RREB1: variants seen among roughly 807,000 people sequenced by gnomAD.
RREB1 encodes the protein ras responsive element binding protein 1.
A neutral mutation model predicts 117.8 loss-of-function variants in RREB1; 27 were observed. The observed-to-expected ratio is 0.23, with a 90% CI of 0.17 to 0.32. The LOEUF (loss-of-function observed/expected upper bound fraction) is 0.32, where lower values mean the gene tolerates loss of function less well. Among genes scored for constraint, RREB1 ranks in the 10% least tolerant of loss-of-function variants. The pLI is 1.00. For synonymous variants in RREB1, 1,298 were observed against 1,026.7 expected (o/e 1.26, Z -5.05); for missense variants, 2,577 against 2,378.2 (o/e 1.08, Z -1.74).
rs1357652850 is a variant in RREB1 at position 7,240,620 on chromosome 6, AC to A, written c.3973+19del. 1 of 1,602,482 alleles carries A rather than the reference AC, an allele frequency of 6.2e-7. No individual in the cohort carries two copies. The highest frequency in any genetic ancestry group is 1.1e-5 in the South Asian group (1 of 89,712). ...TAGCACAGGTAGTGCCGCCAGGTGAACAAGAACCCAGGAAGAGGGAGAGAGA... is the reference window on the plus strand; with the variant it reads ...TAGCACAGGTAGTGCCGCCAGGTGAAAAGAACCCAGGAAGAGGGAGAGAGA... On this transcript the variant is annotated intron_variant, in intron 11 of 12. Coordinates refer to ENST00000379938, the MANE Select transcript of RREB1 (RefSeq NM_001003699.4).
rs753632181 is a variant in RREB1 at position 7,231,106 on chromosome 6, C to T, written c.3007C>T (p.Pro1003Ser). The T allele has an allele frequency of 6.2e-7, 1 of 1,612,970 alleles. No homozygotes were observed. The highest frequency in any genetic ancestry group is 8.5e-7 in the Non-Finnish European group (1 of 1,179,962). ...MAPAPAATPE[P>S]PAQPLQGPVQ... ...CCCTGCTCCGGCGGCCACCCCGGAACCCCCAGCACAGCCCCTGCAGGGCCC... is the reference window on the plus strand; with the variant it reads ...CCCTGCTCCGGCGGCCACCCCGGAATCCCCAGCACAGCCCCTGCAGGGCCC... Residue 1003 changes from proline (P) to serine (S), a missense_variant, in exon 10 of 13, where the codon CCC becomes TCC. Pro to Ser is a moderately conservative substitution (Grantham distance 74). Coordinates refer to ENST00000379938, the MANE Select transcript of RREB1 (RefSeq NM_001003699.4).
chr6:7,190,554 G>A (rs183422083), intron 6 of RREB1, among the ~76,000 whole-genome samples: 149 of 152,286 alleles, frequency 9.8e-4, no homozygotes, highest in African/African-American at 3.0e-3. Flanking sequence ...AATTTACAAA[G>A]TGTTTTGCTT....
At chr6:7,202,837 A>G (rs184502932) in intron 6 of RREB1, among the ~76,000 whole-genome samples, 1 of 152,326 alleles carries the variant, frequency 6.6e-6, no homozygotes. Context: ...CTGGCCGATT[A>G]TAGCTCTATG....
intron 1 of RREB1, among the ~76,000 whole-genome samples, chr6:7,133,219 C>T (rs141662251): frequency 6.6e-6 from 1 of 152,226 alleles, no homozygotes; most frequent in Non-Finnish European, 1.5e-5. Flanking sequence ...AGGGGGCAGG[C>T]TTGATGTGGA....
chr6:7,230,132 A>G lies in RREB1; in HGVS notation c.2033A>G (p.Tyr678Cys). 2 of 1,604,774 alleles carry G rather than the reference A, an allele frequency of 1.2e-6. No homozygotes were observed. The highest frequency in any genetic ancestry group is 2.7e-5 in the African/African-American group (2 of 74,966). Residue 678 changes from tyrosine (Y) to cysteine (C), a missense_variant, in exon 10 of 13, where the codon TAC becomes TGC. Physicochemically the swap from Tyr to Cys is radical, Grantham distance 194 (BLOSUM62 -2). Coordinates refer to ENST00000379938, the MANE Select transcript of RREB1 (RefSeq NM_001003699.4). ...ISPYQCNICD[Y>C]IAADKAALIR... ...CCATACCAGTGCAACATCTGCGACTACATCGCCGCCGACAAGGCCGCGCTC... is the reference window on the plus strand; with the variant it reads ...CCATACCAGTGCAACATCTGCGACTGCATCGCCGCCGACAAGGCCGCGCTC...
chr6:7,160,278 G>A (rs1014154011), intron 1 of RREB1, among the ~76,000 whole-genome samples: 2 of 151,810 alleles, frequency 1.3e-5, no homozygotes, highest in Non-Finnish European at 2.9e-5. Flanking sequence ...CAAACTCCTG[G>A]CGTCACGAAT....
At chr6:7,225,852 A>G (rs939344478) in intron 8 of RREB1, among the ~76,000 whole-genome samples, 10 of 152,172 alleles carry the variant, frequency 6.6e-5, no homozygotes, top group African/African-American at 2.2e-4. Flanking sequence ...TGGGGTTGTC[A>G]TATGTGCTGA....
chr6:7,148,794 C>T (rs1013869846), intron 1 of RREB1, among the ~76,000 whole-genome samples: 27 of 152,032 alleles, frequency 1.8e-4, no homozygotes, highest in African/African-American at 5.1e-4. Flanking sequence ...GTTAACATGA[C>T]GTGTTAGAAT....
At chr6:7,140,811 G>A (rs765168057) in intron 1 of RREB1, 1 of 152,286 alleles carries the variant, frequency 6.6e-6, no homozygotes, top group Non-Finnish European at 1.5e-5. Context: ...GCTCGCAGGT[G>A]GGCTTGCACG....
intron 1 of RREB1, among the ~76,000 whole-genome samples, chr6:7,123,842 A>G (rs1761789125): frequency 6.6e-6 from 1 of 151,380 alleles, no homozygotes; most frequent in Admixed American, 6.6e-5. Flanking sequence ...CAATCTCCTG[A>G]CCTCGTGATC....
Position 7,231,216 on chromosome 6 carries a change from A to C in RREB1, c.3117A>C (p.Thr1039=), listed in dbSNP as rs747146274. ...GCAGCTCAGCCCTCCTGAGTGGCAC[A>C]GCCTTGCTGCGTCCACTGCGGCCCA... ...LVGSSALLSG[T]ALLRPLRPKP... is the part of the protein sequence containing the mutation. Residue 1039 remains threonine, a synonymous_variant, in exon 10 of 13, where the codon ACA becomes ACC. Coordinates refer to ENST00000379938, the MANE Select transcript of RREB1 (RefSeq NM_001003699.4). 6.2e-7 allele frequency: 1 copy of C among 1,612,338 alleles called. No individual in the cohort carries two copies. Among genetic ancestry groups the C allele is most frequent in the East Asian group, 2.2e-5 (1 of 44,862 alleles).
At chr6:7,136,568 C>T (rs1762356257) in intron 1 of RREB1, among the ~76,000 whole-genome samples, 1 of 152,152 alleles carries the variant, frequency 6.6e-6, no homozygotes, top group Non-Finnish European at 1.5e-5. Context: ...GAGCCACTAC[C>T]CTCAGCCTGA....
At chr6:7,197,171 G>C (rs1183834768) in intron 6 of RREB1, among the ~76,000 whole-genome samples, 1 of 152,164 alleles carries the variant, frequency 6.6e-6, no homozygotes, top group African/African-American at 2.4e-5. Flanking sequence ...ATAGAAATGT[G>C]CCTCATTTGG....
chr6:7,201,811 C>T (rs1436816630), intron 6 of RREB1, among the ~76,000 whole-genome samples: 1 of 152,118 alleles, frequency 6.6e-6, no homozygotes, highest in African/African-American at 2.4e-5. Flanking sequence ...ACTGCTGTTC[C>T]AAGTTTATGG....
At chr6:7,234,888 C>T (rs1247138082) in intron 10 of RREB1, among the ~76,000 whole-genome samples, 3 of 152,198 alleles carry the variant, frequency 2.0e-5, no homozygotes, top group Non-Finnish European at 2.9e-5. Context: ...GTGTGTGTGC[C>T]CAGTGTGTCC....
At chr6:7,136,803 T>A (rs913612539) in intron 1 of RREB1, among the ~76,000 whole-genome samples, 1 of 152,228 alleles carries the variant, frequency 6.6e-6, no homozygotes, top group African/African-American at 2.4e-5. Flanking sequence ...TCAAGAGTTC[T>A]TTATTATCAG....
At chr6:7,202,418 G>A (rs116655995) in intron 6 of RREB1, among the ~76,000 whole-genome samples, 1,931 of 152,318 alleles carry the variant, frequency 0.013, 21 homozygotes, top group Non-Finnish European at 0.021. Flanking sequence ...GAAATGGCCC[G>A]TGACTTCAGC....
intron 1 of RREB1, among the ~76,000 whole-genome samples, chr6:7,149,932 A>G (rs989576511): frequency 1.3e-5 from 2 of 151,072 alleles, no homozygotes; most frequent in African/African-American, 4.9e-5. Flanking sequence ...CAGGTGATCC[A>G]CACACCTCGG....
chr6:7,205,814 C>T (rs1286933745), intron 6 of RREB1, among the ~76,000 whole-genome samples: 1 of 152,130 alleles, frequency 6.6e-6, no homozygotes, highest in Non-Finnish European at 1.5e-5. Flanking sequence ...CTAAAATGGA[C>T]CATCTCAAAT....
Sources: gnomAD v4.1 joint callset for allele counts (sites outside exome capture counted in the v4.1 genomes callset) on GRCh38, gnomAD v4.1.1 for gene constraint, MANE v1.5 for transcripts, NCBI Gene and HGNC (gene_info 2026-07-23, HGNC 2026-07-21) for gene names.